BNC2: variants seen among roughly 807,000 people sequenced by gnomAD.
The protein encoded by BNC2 is basonuclin zinc finger protein 2, also known as zinc finger protein basonuclin-2.
BNC2 carries 20 observed loss-of-function variants against 76.3 expected under a neutral mutation model. That is an observed-to-expected ratio of 0.26 (90% CI 0.18 to 0.38). The LOEUF (loss-of-function observed/expected upper bound fraction) is 0.38, where lower values mean the gene tolerates loss of function less well. BNC2 is among the 10% of genes least tolerant of loss of function. The pLI, the probability that BNC2 is intolerant of heterozygous loss-of-function variation, is 1.00. For synonymous variants in BNC2, 582 were observed against 514.8 expected (o/e 1.13, Z -1.77); for missense variants, 1,382 against 1,399.8 (o/e 0.99, Z 0.20).
chr9:16,851,719 G>A (rs1029816971), intron 1 of BNC2, among the ~76,000 whole-genome samples: 4 of 152,148 alleles, frequency 2.6e-5, no homozygotes, highest in Non-Finnish European at 5.9e-5. Context: ...AGCCAGTGAA[G>A]CATCATTAAC....
intron 1 of BNC2, among the ~76,000 whole-genome samples, chr9:16,851,877 A>G (rs140336562): frequency 1.3e-5 from 2 of 152,338 alleles, no homozygotes; most frequent in African/African-American, 4.8e-5. Flanking sequence ...CACAGGTACA[A>G]AGGACCCCAA....
At position 16,537,329 on chromosome 9, in the gene BNC2, T is replaced by C. The variant is rs147132978; in HGVS notation, c.669+15201A>G. ...TCCTTGAATCGCACTCGAAACACTA[T>C]AGTATTATTTGAAAAATCTTTTAAA... On this transcript the variant is annotated intron_variant, in intron 5 of 6. Transcript: ENST00000380672. 4.4e-3 allele frequency among the ~76,000 whole-genome samples: 664 copies of C among 152,240 alleles called. 1 individual carries two copies. Among genetic ancestry groups the C allele is most frequent in the Non-Finnish European group, 6.9e-3 (467 of 67,988 alleles).
intron 3 of BNC2, among the ~76,000 whole-genome samples, chr9:16,722,807 C>T (rs1244441695): frequency 6.6e-6 from 1 of 152,154 alleles, no homozygotes; most frequent in African/African-American, 2.4e-5. Context: ...TAAACTGTTA[C>T]TTTCCCACTG....
rs751395105 is a variant in BNC2, at chr9:16,436,301, T to C, written c.1893A>G (p.Lys631=). Reference sequence around the variant, plus strand: ...CAGGCATGCTTGACTTCCTGGGCTTTTTCTTGGGTGCCAGGTCAGCACTGG... The same window carrying C: ...CAGGCATGCTTGACTTCCTGGGCTTCTTCTTGGGTGCCAGGTCAGCACTGG... ...HEPSADLAPK[K]KPRKSSMPVK... is the part of the protein sequence containing the mutation. Residue 631 remains lysine (K), a synonymous_variant, in exon 6 of 7, where the codon AAA becomes AAG. Coordinates refer to ENST00000380672, the MANE Select transcript of BNC2 (RefSeq NM_017637.6). 6.2e-7 allele frequency: 1 copy of C among 1,614,118 alleles called. No individual in the cohort carries two copies. The highest frequency in any genetic ancestry group is 1.1e-5 in the South Asian group (1 of 91,078).
intron 1 of BNC2, among the ~76,000 whole-genome samples, chr9:16,833,311 C>A (rs1818626955): frequency 6.6e-6 from 1 of 152,158 alleles, no homozygotes; most frequent in Admixed American, 6.5e-5. Context: ...ACAATTTCAA[C>A]CTTCTGTCCC....
intron 1 of BNC2, among the ~76,000 whole-genome samples, chr9:16,861,867 T>A (rs1031926245): frequency 6.6e-6 from 1 of 152,010 alleles, no homozygotes; most frequent in Non-Finnish European, 1.5e-5. Context: ...CGGGCGCCTG[T>A]AGTCCCAGCT....
chr9:16,665,108 C>G, intron 3 of BNC2: 1 of 455,582 alleles, frequency 2.2e-6, no homozygotes, highest in Non-Finnish European at 4.4e-6. Flanking sequence ...GTGGCTCACG[C>G]CTGTAATCCC....
chr9:16,600,951 C>T (rs1002469320), intron 3 of BNC2, among the ~76,000 whole-genome samples: 3 of 152,064 alleles, frequency 2.0e-5, no homozygotes, highest in African/African-American at 4.8e-5. Context: ...TGTGAAAGTG[C>T]CTCTTGCTTT....
chr9:16,632,429 A>G (rs541505871), intron 3 of BNC2, among the ~76,000 whole-genome samples: 9 of 38,006 alleles, frequency 2.4e-4, no homozygotes, highest in South Asian at 1.3e-3. Context: ...CTAAAACGGG[A>G]AAAAAAAAAA....
chr9:16,749,779 C>G (rs560488005), intron 1 of BNC2, among the ~76,000 whole-genome samples: 1 of 151,762 alleles, frequency 6.6e-6, no homozygotes, highest in Non-Finnish European at 1.5e-5. Flanking sequence ...TTTAATAAGA[C>G]ATGAGATTAG....
intron 1 of BNC2, among the ~76,000 whole-genome samples, chr9:16,763,258 CA>C (rs1202837118): frequency 6.6e-6 from 1 of 152,082 alleles, no homozygotes; most frequent in African/African-American, 2.4e-5. Flanking sequence ...CATACCCCCA[CA>C]AAATAGTACA....
At chr9:16,673,443 A>ACAC (rs1393995029) in intron 3 of BNC2, among the ~76,000 whole-genome samples, 1 of 145,636 alleles carries the variant, frequency 6.9e-6, no homozygotes, top group African/African-American at 2.5e-5. Flanking sequence ...AAAAAAAAAA[A>ACAC]ACACACACAC....
At chr9:16,635,693 T>C (rs1214465668) in intron 3 of BNC2, among the ~76,000 whole-genome samples, 6 of 152,216 alleles carry the variant, frequency 3.9e-5, no homozygotes, top group Non-Finnish European at 5.9e-5. Flanking sequence ...TGGCCAACTT[T>C]TGTTGGCAAC....
chr9:16,444,891 C>T (rs1821199796), intron 5 of BNC2, among the ~76,000 whole-genome samples: 1 of 152,180 alleles, frequency 6.6e-6, no homozygotes, highest in African/African-American at 2.4e-5. Flanking sequence ...AACCCTCAGT[C>T]AAAAAGTTTA....
intron 1 of BNC2, among the ~76,000 whole-genome samples, chr9:16,838,238 A>T (rs1201925747): frequency 6.6e-6 from 1 of 152,138 alleles, no homozygotes; most frequent in African/African-American, 2.4e-5. Context: ...CTGACAGTTT[A>T]ATTCTAGATA....
intron 6 of BNC2, among the ~76,000 whole-genome samples, chr9:16,434,001 A>T (rs1361045592): frequency 6.6e-6 from 1 of 152,196 alleles, no homozygotes; most frequent in East Asian, 1.9e-4. Context: ...TATTCAAAAT[A>T]TAGCTATCTT....
chr9:16,496,933 T>TCAC (rs1385585261), intron 5 of BNC2, among the ~76,000 whole-genome samples: 5 of 152,248 alleles, frequency 3.3e-5, no homozygotes, highest in African/African-American at 1.2e-4. Flanking sequence ...GGTTCCATCA[T>TCAC]CACATCAGCA....
chr9:16,557,002 T>C lies in BNC2; in HGVS notation c.434-4237A>G, dbSNP rs902421864. The stretch of plus-strand genomic sequence containing the variant: ...AGCTGAGAACTAGACTGCTGCCTAA[T>C]TTCATGATCTTCACATATCTGACTG... On this transcript the variant is annotated intron_variant, in intron 4 of 6. Transcript: ENST00000380672. Among the ~76,000 whole-genome samples, 4 of 150,498 alleles carry C rather than the reference T, an allele frequency of 2.7e-5. No homozygotes were observed. In the East Asian group the frequency reaches 7.7e-4, roughly 29 times the overall value.
intron 1 of BNC2, among the ~76,000 whole-genome samples, chr9:16,746,355 TTTTTG>T (rs1226715792): frequency 6.6e-6 from 1 of 151,850 alleles, no homozygotes; most frequent in Non-Finnish European, 1.5e-5. Flanking sequence ...ATTAAACTCG[TTTTTG>T]TTTTTTGTTT....
Sources: gnomAD v4.1 joint callset for allele counts (sites outside exome capture counted in the v4.1 genomes callset) on GRCh38, gnomAD v4.1.1 for gene constraint, MANE v1.5 for transcripts, NCBI Gene and HGNC (gene_info 2026-07-23, HGNC 2026-07-21) for gene names.